Variants in RD3 observed in about 807,000 individuals in gnomAD.
RD3 encodes RD3 regulator of GUCY2D.
Under a neutral mutation model 16.9 loss-of-function variants are expected in RD3, and 11 were observed. The ratio of observed to expected loss-of-function variants is 0.65; its 90% CI spans 0.41 to 1.08. The LOEUF (loss-of-function observed/expected upper bound fraction) is 1.08, where lower values mean the gene tolerates loss of function less well. Ranked by LOEUF, RD3 falls within the 50% of genes least tolerant of loss-of-function variation. RD3 has a pLI of 0.00. For missense variants in RD3, 274 were observed against 267.4 expected, an observed-to-expected ratio of 1.02 and a Z score of -0.17; for synonymous variants, 116 against 114.8, an observed-to-expected ratio of 1.01 and a Z score of -0.07.
intron 1 of RD3, among the ~76,000 whole-genome samples, chr1:211,490,571 G>C (rs538651590): frequency 6.6e-6 from 1 of 152,372 alleles, no homozygotes; most frequent in South Asian, 2.1e-4. Flanking sequence ...CTTCTCAGTG[G>C]GGGCAGAGAG....
chr1:211,480,475 A>G (rs1348355105), intron 2 of RD3, among the ~76,000 whole-genome samples: 1 of 152,198 alleles, frequency 6.6e-6, no homozygotes, highest in Non-Finnish European at 1.5e-5. Context: ...TAGACAAAGA[A>G]CTTGAGTTAT....
At chr1:211,490,233 C>T (rs982903422) in intron 1 of RD3, among the ~76,000 whole-genome samples, 23 of 152,232 alleles carry the variant, frequency 1.5e-4, no homozygotes, top group African/African-American at 5.5e-4. Context: ...AGGGCTCTGA[C>T]CCCCTGCAGG....
rs980702273 is a variant in RD3, at chr1:211,477,424, A to G, written c.*1612T>C. On this transcript the variant is annotated 3_prime_UTR_variant, in exon 3 of 3. Coordinates refer to ENST00000680073, the MANE Select transcript of RD3 (RefSeq NM_001164688.2). Reference sequence around the variant, plus strand: ...AGCCGAGATCACGCCACTGCACTGCAGCCTGGGTAACAGAGTGAGACTCAG... The same window carrying G: ...AGCCGAGATCACGCCACTGCACTGCGGCCTGGGTAACAGAGTGAGACTCAG... 1 of 151,738 alleles carries G rather than the reference A, an allele frequency of 6.6e-6. No individual in the cohort carries two copies. The highest frequency in any genetic ancestry group is 2.4e-5 in the African/African-American group (1 of 41,234). The allele number at this position is 151,738 out of a possible 1,614,324, so 9.4% of individuals were successfully genotyped here.
At chr1:211,484,309 A>C (rs1424957978) in intron 1 of RD3, among the ~76,000 whole-genome samples, 1 of 152,200 alleles carries the variant, frequency 6.6e-6, no homozygotes, top group Non-Finnish European at 1.5e-5. Context: ...GGAACGAATA[A>C]ATGATGGAGA....
rs34485370 is a variant in RD3 at position 211,492,048 on chromosome 1, GGTGTGTGTGT to G, written c.-302_-293del. 7.6e-3 allele frequency: 1,054 copies of G among 137,938 alleles called. 33 individuals carry two copies. In the East Asian group the frequency reaches 0.11, roughly 14 times the overall value. The allele number at this position is 137,938 out of a possible 1,614,324, so 8.5% of individuals were successfully genotyped here. A position where few individuals can be genotyped will look rare whatever the true frequency, so the allele number is the denominator to read the frequency against. ...TGGACTATTGTTTGTGGGGTGTGTA[GGTGTGTGTGT>G]GTGTGTGTGTGTGTGTGTGTGTGTG... On this transcript the variant is annotated 5_prime_UTR_variant, in exon 1 of 3. An upstream open reading frame in the 5' UTR gains an earlier in-frame stop. Transcript: ENST00000680073.
chr1:211,484,855 G>A (rs1278137070), intron 1 of RD3, among the ~76,000 whole-genome samples: 1 of 152,206 alleles, frequency 6.6e-6, no homozygotes. Flanking sequence ...CCACACCCCT[G>A]CAACCAGCCA....
rs775226280 is a variant in RD3 at position 211,481,234 on chromosome 1, C to T, written c.182G>A (p.Ser61Asn). Residue 61 changes from serine (S) to asparagine (N), a missense_variant, in exon 2 of 3, where the codon AGC becomes AAC. Coordinates refer to ENST00000680073, the MANE Select transcript of RD3 (RefSeq NM_001164688.2). Reference sequence around the variant, plus strand: ...GGACCGGGGTGTGCTGGCCAGCCAGCTGTAGTCCACACCGGTGCAGACCTT... The same window carrying T: ...GGACCGGGGTGTGCTGGCCAGCCAGTTGTAGTCCACACCGGTGCAGACCTT... ...VRKVCTGVDY[S>N]WLASTPRSTY... is the part of the protein sequence containing the mutation. 6.8e-6 allele frequency: 11 copies of T among 1,614,174 alleles called. No homozygotes were observed. Among genetic ancestry groups the T allele is most frequent in the Non-Finnish European group, 8.5e-6 (10 of 1,180,066 alleles).
chr1:211,478,888 C>G lies in RD3; in HGVS notation c.*148G>C. 2,956 of 556,356 alleles carry G rather than the reference C, an allele frequency of 5.3e-3. No individual in the cohort carries two copies. The highest frequency in any genetic ancestry group is 0.012 in the East Asian group (341 of 27,742). 34.5% of individuals were successfully genotyped at this position (556,356 alleles called of 1,614,324 possible). A position where few individuals can be genotyped will look rare whatever the true frequency, so the allele number is the denominator to read the frequency against. ...AAGAGGATGGGGCAGGGAGTCGCTT[C>G]ATTTTATAGCAGCGTCTTGGGATGG... On this transcript the variant is annotated 3_prime_UTR_variant, in exon 3 of 3. Coordinates refer to ENST00000680073, the MANE Select transcript of RD3 (RefSeq NM_001164688.2).
rs75960800 is a variant in RD3 at position 211,484,524 on chromosome 1, A to G, written c.-11-3098T>C. Among the ~76,000 whole-genome samples, 1,238 of 152,294 alleles carry G rather than the reference A, an allele frequency of 8.1e-3. 23 individuals are homozygous for G. The highest frequency in any genetic ancestry group is 0.028 in the African/African-American group (1,169 of 41,544). ...GGGAGAAATGTGAGAGAAGAAATGG[A>G]AGACACTGAAGAAAACTTTTGCCTC... On this transcript the variant is annotated intron_variant, in intron 1 of 2. Coordinates refer to ENST00000680073, the MANE Select transcript of RD3 (RefSeq NM_001164688.2).
chr1:211,478,918 G>C lies in RD3; in HGVS notation c.*118C>G. ...TATAGCAGCGTCTTGGGATGGGGCC[G>C]CCTCTTGGGTCTCCTCGTCAGGCCT... is the stretch of plus-strand genomic sequence containing the variant. On this transcript the variant is annotated 3_prime_UTR_variant, in exon 3 of 3. Coordinates refer to ENST00000680073, the MANE Select transcript of RD3 (RefSeq NM_001164688.2). 1.2e-6 allele frequency: 1 copy of C among 846,810 alleles called. No homozygotes were observed. Among genetic ancestry groups the C allele is most frequent in the South Asian group, 1.8e-5 (1 of 55,230 alleles). The allele number at this position is 846,810 out of a possible 1,614,324, so 52.5% of individuals were successfully genotyped here.
At chr1:211,488,364 A>ATC (rs1316460656) in intron 1 of RD3, among the ~76,000 whole-genome samples, 1 of 152,016 alleles carries the variant, frequency 6.6e-6, no homozygotes, top group Non-Finnish European at 1.5e-5. Context: ...GTGAAACCCC[A>ATC]TCTCTACTAA....
intron 1 of RD3, among the ~76,000 whole-genome samples, chr1:211,484,806 ACG>A (rs1307198807): frequency 6.6e-6 from 1 of 152,166 alleles, no homozygotes; most frequent in Non-Finnish European, 1.5e-5. Flanking sequence ...CCTTGCAAAC[ACG>A]TGTGGGGACA....
chr1:211,487,927 C>A (rs527863722), intron 1 of RD3, among the ~76,000 whole-genome samples: 105 of 152,336 alleles, frequency 6.9e-4, no homozygotes, highest in Non-Finnish European at 1.1e-3. Flanking sequence ...AGCAGACAAG[C>A]AATTGCGATG....
intron 2 of RD3, among the ~76,000 whole-genome samples, chr1:211,480,630 G>A (rs1254711855): frequency 6.9e-6 from 1 of 145,636 alleles, no homozygotes; most frequent in African/African-American, 2.6e-5. Context: ...CAGTGCCCCA[G>A]GGTTTTGTTT....
chr1:211,479,468 C>G, intron 2 of RD3, 141 bp from the exon 3 acceptor site: 1 of 733,634 alleles, frequency 1.4e-6, no homozygotes, highest in Non-Finnish European at 2.2e-6. Flanking sequence ...GAATCAGGAA[C>G]CACCCCACGC....
chr1:211,481,314 C>G lies in RD3; in HGVS notation c.102G>C (p.Thr34=). The G allele has an allele frequency of 2.5e-6, 4 of 1,614,244 alleles. No homozygotes were observed. Among genetic ancestry groups the G allele is most frequent in the South Asian group, 1.1e-5 (1 of 91,090 alleles). Residue 34 remains threonine (T), a synonymous_variant, in exon 2 of 3, where the codon ACG becomes ACC. Transcript: ENST00000680073. ...GCCTCTCAGCCTCTCGCATCTGCCC[C>G]GTCAGCTCCATCATAAGCGTCTCCA... The part of the protein sequence containing the change: ...MVLETLMMEL[T]GQMREAERQQ...
intron 1 of RD3, among the ~76,000 whole-genome samples, chr1:211,482,708 T>A (rs190149742): frequency 6.6e-6 from 1 of 151,786 alleles, no homozygotes; most frequent in Non-Finnish European, 1.5e-5. Context: ...AATGGGTGAA[T>A]GAGCTACTCC....
intron 1 of RD3, among the ~76,000 whole-genome samples, chr1:211,488,154 A>T (rs1214527172): frequency 2.0e-5 from 3 of 152,224 alleles, no homozygotes; most frequent in Non-Finnish European, 4.4e-5. Flanking sequence ...GCAGGAGACA[A>T]TATGTGAAAA....
In RD3 at chr1:211,478,903, T is replaced by G; in HGVS notation, c.*133A>C. The stretch of plus-strand genomic sequence containing the variant: ...GGAGTCGCTTCATTTTATAGCAGCG[T>G]CTTGGGATGGGGCCGCCTCTTGGGT... On this transcript the variant is annotated 3_prime_UTR_variant, in exon 3 of 3. Transcript: ENST00000680073. The G allele has an allele frequency of 6.4e-4, 397 of 615,956 alleles. No individual in the cohort carries two copies. The highest frequency in any genetic ancestry group is 7.2e-4 in the Non-Finnish European group (278 of 384,712). 38.2% of individuals were successfully genotyped at this position (615,956 alleles called of 1,614,324 possible).
Sources: allele counts gnomAD v4.1 joint callset (sites outside exome capture counted in the v4.1 genomes callset), GRCh38; gene constraint gnomAD v4.1.1; transcripts MANE v1.5; gene names NCBI Gene and HGNC (gene_info 2026-07-23, HGNC 2026-07-21).